The following BICC1 variants were observed in gnomAD, a reference collection of about 807,000 sequenced individuals.
BICC1 encodes the protein BicC family RNA binding protein 1, also known as protein bicaudal C homolog 1.
Under a neutral mutation model 111.0 loss-of-function variants are expected in BICC1, and 43 were observed. The ratio of observed to expected loss-of-function variants is 0.39; its 90% CI spans 0.30 to 0.50. The LOEUF is 0.50. Among genes scored for constraint, BICC1 ranks in the 20% least tolerant of loss-of-function variants. BICC1 has a pLI of 0.88. For missense variants in BICC1, 1,091 were observed against 1,203.2 expected (o/e 0.91, Z 1.38); for synonymous variants, 467 against 434.4 (o/e 1.07, Z -0.93).
intron 3 of BICC1, among the ~76,000 whole-genome samples, chr10:58,762,749 T>C (rs1043862895): frequency 1.2e-4 from 18 of 151,930 alleles, no homozygotes; most frequent in Middle Eastern, 3.4e-3. Context: ...TTAACATCAG[T>C]TTTTATTATG....
chr10:58,781,642 T>C (rs1458229647), intron 3 of BICC1, among the ~76,000 whole-genome samples: 1 of 152,216 alleles, frequency 6.6e-6, no homozygotes, highest in African/African-American at 2.4e-5. Flanking sequence ...ATGTGGTTAA[T>C]ACTTTGACTT....
At chr10:58,658,621 A>G (rs1838739114) in intron 2 of BICC1, among the ~76,000 whole-genome samples, 1 of 152,110 alleles carries the variant, frequency 6.6e-6, no homozygotes, top group Non-Finnish European at 1.5e-5. Flanking sequence ...CAAATTGTTT[A>G]TTCGTTTAAT....
chr10:58,824,625 A>G (rs1170299463), intron 20 of BICC1, among the ~76,000 whole-genome samples: 2 of 152,200 alleles, frequency 1.3e-5, no homozygotes, highest in Admixed American at 1.3e-4. Context: ...GTAGATGGCC[A>G]TATCTTACAT....
chr10:58,778,854 T>C (rs1842814239), intron 3 of BICC1, among the ~76,000 whole-genome samples: 1 of 152,234 alleles, frequency 6.6e-6, no homozygotes, highest in Non-Finnish European at 1.5e-5. Flanking sequence ...TACTTTGCTC[T>C]TTTATTAGAA....
intron 2 of BICC1, among the ~76,000 whole-genome samples, chr10:58,641,293 C>T (rs538641205): frequency 3.9e-5 from 6 of 152,250 alleles, no homozygotes; most frequent in Non-Finnish European, 1.5e-5. Flanking sequence ...TGGACAGGCT[C>T]GGGGTTTTGT....
At chr10:58,707,003 G>A (rs1475811183) in intron 3 of BICC1, among the ~76,000 whole-genome samples, 1 of 152,224 alleles carries the variant, frequency 6.6e-6, no homozygotes, top group Non-Finnish European at 1.5e-5. Flanking sequence ...ATCCCTGCAA[G>A]TGGTCCTTGC....
chr10:58,748,586 A>G (rs539361075), intron 3 of BICC1, among the ~76,000 whole-genome samples: 3 of 152,048 alleles, frequency 2.0e-5, no homozygotes, highest in African/African-American at 7.2e-5. Flanking sequence ...CTGTTCTGGT[A>G]TAGTAGAAGA....
rs1554833574 is a variant in BICC1, at chr10:58,794,165, T to TTTTG, written c.1179+551_1179+552insTTGT. On this transcript the variant is annotated intron_variant, in intron 9 of 20. Coordinates refer to ENST00000373886, the MANE Select transcript of BICC1 (RefSeq NM_001080512.3). ...GAGTTGATAAGGCTACTTACATGTTTTGTGTGTGTGTGTGTGTGTGTGTGT... is the reference window on the plus strand; with the variant it reads ...GAGTTGATAAGGCTACTTACATGTTTTTTGTGTGTGTGTGTGTGTGTGTGTGTGT... Among the ~76,000 whole-genome samples the TTTTG allele has an allele frequency of 3.6e-5, 5 of 138,228 alleles. No homozygotes were observed. The South Asian group carries it at 7.3e-4, about 20-fold the overall frequency. 90.7% of individuals were successfully genotyped at this position (138,228 alleles called of 152,430 possible). A position where few individuals can be genotyped will look rare whatever the true frequency, so the allele number is the denominator to read the frequency against.
At chr10:58,808,024 T>C (rs888266687) in intron 17 of BICC1, among the ~76,000 whole-genome samples, 3 of 152,116 alleles carry the variant, frequency 2.0e-5, no homozygotes, top group Admixed American at 6.6e-5. Context: ...CTCCACCCAT[T>C]TGCTTTGTAA....
intron 1 of BICC1, among the ~76,000 whole-genome samples, chr10:58,582,712 C>G (rs1268493436): frequency 6.6e-6 from 1 of 152,142 alleles, no homozygotes; most frequent in African/African-American, 2.4e-5. Context: ...GGGGGAGGTT[C>G]ATTTCCTTGT....
chr10:58,611,318 T>C (rs879647635), intron 1 of BICC1, among the ~76,000 whole-genome samples: 11 of 152,230 alleles, frequency 7.2e-5, no homozygotes, highest in Non-Finnish European at 1.2e-4. Context: ...ACAAGTGTTA[T>C]TAATATTTTG....
At chr10:58,807,757 C>T (rs1466156037) in intron 17 of BICC1, among the ~76,000 whole-genome samples, 3 of 152,094 alleles carry the variant, frequency 2.0e-5, no homozygotes, top group East Asian at 3.9e-4. Context: ...AGGCTACACG[C>T]GATTCACCAA....
chr10:58,792,608 C>T (rs1304160689), intron 8 of BICC1, among the ~76,000 whole-genome samples: 1 of 152,158 alleles, frequency 6.6e-6, no homozygotes, highest in Non-Finnish European at 1.5e-5. Flanking sequence ...GTGAACCGTG[C>T]ATGCAAGAGA....
rs115684417 is a variant in BICC1, at chr10:58,803,806, T to C, written c.2181+564T>C. On this transcript the variant is annotated intron_variant, in intron 15 of 20. Transcript: ENST00000373886. ...CAACTTCCTCAATAGGAACTTTCTG[T>C]GTTTCCATTTTCAAACTATTAGTCT... is the stretch of plus-strand genomic sequence containing the variant. 1.7e-3 allele frequency among the ~76,000 whole-genome samples: 260 copies of C among 152,350 alleles called. 2 individuals are homozygous for C. The highest frequency in any genetic ancestry group is 6.0e-3 in the African/African-American group (249 of 41,584).
chr10:58,590,219 G>T (rs779111251), intron 1 of BICC1, among the ~76,000 whole-genome samples: 4 of 152,130 alleles, frequency 2.6e-5, no homozygotes, highest in Non-Finnish European at 4.4e-5. Flanking sequence ...TACATAAGTT[G>T]CCAAAACCAG....
chr10:58,778,806 A>G (rs538102331), intron 3 of BICC1, among the ~76,000 whole-genome samples: 11 of 152,298 alleles, frequency 7.2e-5, no homozygotes, highest in African/African-American at 2.2e-4. Context: ...TGCTTTAACT[A>G]TGTGTGGCTT....
At chr10:58,640,463 A>C (rs756008613) in intron 2 of BICC1, among the ~76,000 whole-genome samples, 7 of 152,244 alleles carry the variant, frequency 4.6e-5, no homozygotes, top group Non-Finnish European at 1.0e-4. Context: ...AACTTAAGTT[A>C]GATTTTAAAT....
At chr10:58,541,168 A>G (rs9804318) in intron 1 of BICC1, among the ~76,000 whole-genome samples, 3,155 of 152,170 alleles carry the variant, frequency 0.021, 111 homozygotes, top group African/African-American at 0.072. Flanking sequence ...TTTTCTCACC[A>G]CTTCTATTCA....
chr10:58,753,553 A>G (rs969063753), intron 3 of BICC1, among the ~76,000 whole-genome samples: 2 of 152,092 alleles, frequency 1.3e-5, no homozygotes, highest in African/African-American at 4.8e-5. Context: ...TTTCCACAAG[A>G]TGAGTCAGTT....
Sources: allele counts gnomAD v4.1 joint callset (sites outside exome capture counted in the v4.1 genomes callset), GRCh38; gene constraint gnomAD v4.1.1; transcripts MANE v1.5; gene names NCBI Gene and HGNC (gene_info 2026-07-23, HGNC 2026-07-21).